Variants in LCN6 observed in about 807,000 individuals in gnomAD.
LCN6 encodes the protein epididymal-specific lipocalin-6.
A neutral mutation model predicts 21.4 loss-of-function variants in LCN6; 20 were observed. That is an observed-to-expected ratio of 0.93 (90% CI 0.66 to 1.36). The LOEUF is 1.36. Among genes scored for constraint, LCN6 ranks in the 40% most tolerant of loss-of-function variants. LCN6 has a pLI of 0.00. For missense variants in LCN6, 217 were observed against 206.6 expected, an observed-to-expected ratio of 1.05 and a Z score of -0.31; for synonymous variants, 96 against 89.0, an observed-to-expected ratio of 1.08 and a Z score of -0.44.
chr9:136,747,484 A>G lies in LCN6; in HGVS notation c.170T>C (p.Val57Ala). ...TGGAGTGAGGGTCACCACCACCCCC[A>G]CGACGTTCTTCATGTCCTTCTCCAT... ...FAMEKDMKNV[V>A]GVVVTLTPEN... Residue 57 changes from valine (V) to alanine (A), a missense_variant, in exon 2 of 7, where the codon GTG (valine) becomes GCG (alanine). Physicochemically the swap from Val to Ala is moderately conservative, Grantham distance 64. Transcript: ENST00000341206. 1 of 1,613,698 alleles carries G rather than the reference A, an allele frequency of 6.2e-7. No homozygotes were observed.
rs1467484048 is a variant in LCN6 at position 136,744,570 on chromosome 9, C to A, written c.*22+70G>T. The A allele has an allele frequency of 4.2e-6, 4 of 955,532 alleles. No individual in the cohort carries two copies. The African/African-American group carries it at 4.9e-5, about 12-fold the overall frequency. 59.2% of individuals were successfully genotyped at this position (955,532 alleles called of 1,614,324 possible). On this transcript the variant is annotated intron_variant, in intron 5 of 6. Transcript: ENST00000341206. The surrounding 1 kb of genome is among the most constrained non-coding windows in gnomAD (Gnocchi z 4.2). ...AGAATCAACCCCAGGGTCTCTGTCA[C>A]CCCATCACGCCCTGTGGGCTCCAGA...
intron 3 of LCN6, 42 bp from the exon 4 acceptor site, chr9:136,745,322 G>A (rs963256057): frequency 7.2e-7 from 1 of 1,392,100 alleles, no homozygotes; most frequent in Admixed American, 1.7e-5. Context: ...GGCAGCTGCT[G>A]TATCCATCCA....
chr9:136,746,387 T>A, intron 2 of LCN6, among the ~76,000 whole-genome samples: 1 of 1,436 alleles, frequency 7.0e-4, no homozygotes, highest in African/African-American at 4.0e-3. Context: ...AGGGGAAGGA[T>A]GGGGCGGGGT....
chr9:136,744,752 C>A lies in LCN6; in HGVS notation c.413-11G>T. Reference sequence around the variant, plus strand: ...CTGTCTCCGTCAGACCTGGGGGCACCAGGGCAGTGCAGGGGGAAGCAACCT... The same window carrying A: ...CTGTCTCCGTCAGACCTGGGGGCACAAGGGCAGTGCAGGGGGAAGCAACCT... On this transcript the variant is annotated splice_polypyrimidine_tract_variant and intron_variant, in intron 4 of 6. Transcript: ENST00000341206. The surrounding 1 kb of genome is among the most constrained non-coding windows in gnomAD (Gnocchi z 4.2). The A allele has an allele frequency of 1.3e-6, 2 of 1,596,752 alleles. No individual in the cohort carries two copies. The highest frequency in any genetic ancestry group is 1.7e-6 in the Non-Finnish European group (2 of 1,168,666).
intron 1 of LCN6, 49 bp from the exon 2 acceptor site, chr9:136,747,612 C>A (rs1847059773): frequency 1.3e-6 from 2 of 1,567,094 alleles, no homozygotes; most frequent in East Asian, 2.3e-5. Context: ...CAGCCTCCAG[C>A]CTCCAGCCTC....
chr9:136,745,191 A>C lies in LCN6; in HGVS notation c.391T>G (p.Phe131Val). 1 of 1,612,698 alleles carries C rather than the reference A, an allele frequency of 6.2e-7. No homozygotes were observed. The change falls in exon 4 of 7, where the codon TTC becomes GTC. Residue 131 changes from phenylalanine to valine, a missense_variant. Coordinates refer to ENST00000341206, the MANE Select transcript of LCN6 (RefSeq NM_198946.3). ...FTQLEFGDEPFNTVELYSLTE... is the reference protein window; with the variant it reads ...FTQLEFGDEPVNTVELYSLTE... ...TTACTGTACAGCTCCACGGTGTTGA[A>C]GGGCTCGTCCCCGAACTCCAGCTGA...
At chr9:136,748,097 T>C (rs1335082314) in intron 1 of LCN6, among the ~76,000 whole-genome samples, 18 of 72,794 alleles carry the variant, frequency 2.5e-4, no homozygotes, top group Middle Eastern at 0.012. Context: ...AGCCTCCAGT[T>C]CTCCAGCCCT....
rs1416857607 is a variant in LCN6 at position 136,745,201 on chromosome 9, C to G, written c.381G>C (p.Gly127=). 6.2e-7 allele frequency: 1 copy of G among 1,613,414 alleles called. No individual in the cohort carries two copies. Among genetic ancestry groups the G allele is most frequent in the African/African-American group, 1.3e-5 (1 of 74,912 alleles). Residue 127 remains glycine (G), a synonymous_variant, in exon 4 of 7, where the codon GGG becomes GGC. Transcript: ENST00000341206. The part of the protein sequence containing the change: ...YAIIFTQLEF[G]DEPFNTVELY... ...GCTCCACGGTGTTGAAGGGCTCGTC[C>G]CCGAACTCCAGCTGAGTGAAGATGA...
At chr9:136,746,236 G>A (rs1564326703) in intron 2 of LCN6, among the ~76,000 whole-genome samples, 1 of 147,410 alleles carries the variant, frequency 6.8e-6, no homozygotes, top group Admixed American at 6.7e-5. Flanking sequence ...ATGGGGTGGG[G>A]TGGGGGTTCG....
chr9:136,745,190 A>G lies in LCN6; in HGVS notation c.392T>C (p.Phe131Ser), dbSNP rs986804473. The G allele has an allele frequency of 6.2e-7, 1 of 1,612,688 alleles. No individual in the cohort carries two copies. Among genetic ancestry groups the G allele is most frequent in the Non-Finnish European group, 8.5e-7 (1 of 1,179,030 alleles). Residue 131 changes from phenylalanine to serine, a missense_variant, in exon 4 of 7, where the codon TTC becomes TCC. Coordinates refer to ENST00000341206, the MANE Select transcript of LCN6 (RefSeq NM_198946.3). The stretch of plus-strand genomic sequence containing the variant: ...CTTACTGTACAGCTCCACGGTGTTG[A>G]AGGGCTCGTCCCCGAACTCCAGCTG... ...FTQLEFGDEPFNTVELYSLTE... is the reference protein window; with the variant it reads ...FTQLEFGDEPSNTVELYSLTE...
intron 3 of LCN6, 162 bp downstream of exon 3, chr9:136,745,682 A>C: frequency 1.4e-6 from 1 of 696,306 alleles, no homozygotes; most frequent in Non-Finnish European, 2.5e-6. Context: ...TCCTCTGTCC[A>C]GGGGCTTCTC....
In LCN6 at chr9:136,745,269, G is replaced by T; in HGVS notation, c.313C>A (p.Leu105Met). The change falls in exon 4 of 7, where the codon CTG (leucine) becomes ATG (methionine). Residue 105 changes from leucine to methionine, a missense_variant. By Grantham distance (15) the Leu-to-Met change is conservative. Transcript: ENST00000341206. The part of the protein sequence containing the change: ...WVFENPSIGV[L>M]ELWVLATNFR... The stretch of plus-strand genomic sequence containing the variant: ...TTGGTGGCCAGCACCCAGAGCTCCA[G>T]CACGCCTATTGCTAGGAAACAAAAC... The T allele has an allele frequency of 6.2e-7, 1 of 1,612,300 alleles. No homozygotes were observed.
chr9:136,744,477 G>C lies in LCN6; in HGVS notation c.*23-113C>G. 1 of 530,722 alleles carries C rather than the reference G, an allele frequency of 1.9e-6. No homozygotes were observed. The highest frequency in any genetic ancestry group is 2.8e-5 in the South Asian group (1 of 35,898). 32.9% of individuals were successfully genotyped at this position (530,722 alleles called of 1,614,324 possible). A position where few individuals can be genotyped will look rare whatever the true frequency, so the allele number is the denominator to read the frequency against. On this transcript the variant is annotated intron_variant, in intron 5 of 6. Coordinates refer to ENST00000341206, the MANE Select transcript of LCN6 (RefSeq NM_198946.3). This position sits in a 1 kb window ranked among gnomAD's most constrained non-coding sequence, Gnocchi z 4.2. ...GACAAGACCCCCAGGCCTGACTTTG[G>C]GCAGGGGCAGGTGAAGACCCCCTCA...
intron 1 of LCN6, among the ~76,000 whole-genome samples, chr9:136,747,871 TTCCAACCCCCCAGAC>T (rs1847069984): frequency 2.9e-5 from 2 of 69,122 alleles, no homozygotes; most frequent in African/African-American, 7.3e-5. Flanking sequence ...AGCCTCCAGC[TTCCAACCCCCCAGAC>T]CTCCAACCCT....
intron 1 of LCN6, 66 bp downstream of exon 1, chr9:136,748,328 T>A (rs1847077930): frequency 4.3e-6 from 6 of 1,397,064 alleles, no homozygotes; most frequent in African/African-American, 1.4e-5. Flanking sequence ...GCCCAGAAGC[T>A]GTGTGGCCTT....
intron 2 of LCN6, 54 bp downstream of exon 2, chr9:136,747,370 T>C: frequency 1.3e-6 from 2 of 1,596,718 alleles, no homozygotes. Context: ...GTACATGATG[T>C]GGCTGAGCCA....
intron 1 of LCN6, among the ~76,000 whole-genome samples, 184 bp downstream of exon 1, chr9:136,748,210 C>T (rs1389742522): frequency 6.6e-6 from 1 of 152,364 alleles, no homozygotes; most frequent in African/African-American, 2.4e-5. Context: ...AGCCTCCAAC[C>T]CTCCAGCATC....
At position 136,744,758 on chromosome 9, in the gene LCN6, A is replaced by T; in HGVS notation, c.413-17T>A. 1.5e-6 allele frequency: 2 copies of T among 1,328,340 alleles called. No homozygotes were observed. Among genetic ancestry groups the T allele is most frequent in the Non-Finnish European group, 1.1e-6 (1 of 949,730 alleles). The allele number at this position is 1,328,340 out of a possible 1,614,324, so 82.3% of individuals were successfully genotyped here. On this transcript the variant is annotated splice_polypyrimidine_tract_variant and intron_variant, in intron 4 of 6. Transcript: ENST00000341206. This position sits in a 1 kb window ranked among gnomAD's most constrained non-coding sequence, Gnocchi z 4.2. ...CCGTCAGACCTGGGGGCACCAGGGC[A>T]GTGCAGGGGGAAGCAACCTCTGAGA...
chr9:136,745,086 ACGCACCACACAGC>A (rs2131076230), intron 4 of LCN6, 71 bp downstream of exon 4: 13 of 142,250 alleles, frequency 9.1e-5, no homozygotes, highest in East Asian at 3.2e-4. Context: ...CAAGCGGCCC[ACGCACCACACAGC>A]TCCCAACGTG....
Sources: allele counts gnomAD v4.1 joint callset (sites outside exome capture counted in the v4.1 genomes callset), GRCh38; gene constraint gnomAD v4.1.1; non-coding constraint Gnocchi (gnomAD v3.1); transcripts MANE v1.5; gene names NCBI Gene and HGNC (gene_info 2026-07-23, HGNC 2026-07-21).